The following MRPS27 variants were observed in gnomAD, a reference collection of about 807,000 sequenced individuals.
The protein encoded by MRPS27 is small ribosomal subunit protein mS27.
A neutral mutation model predicts 48.9 loss-of-function variants in MRPS27; 43 were observed. The ratio of observed to expected loss-of-function variants is 0.88; its 90% CI spans 0.69 to 1.13. MRPS27 has a LOEUF of 1.13. Among genes scored for constraint, MRPS27 ranks in the 50% most tolerant of loss-of-function variants. The pLI is 0.00. For missense variants in MRPS27, 467 were observed against 476.3 expected (o/e 0.98, Z 0.18); for synonymous variants, 188 against 171.9 (o/e 1.09, Z -0.73).
intron 4 of MRPS27, among the ~76,000 whole-genome samples, chr5:72,275,298 A>C (rs1177989302): frequency 6.6e-6 from 1 of 152,184 alleles, no homozygotes; most frequent in Non-Finnish European, 1.5e-5. Context: ...AAAGAGAATA[A>C]AATACCTAGG....
At position 72,306,322 on chromosome 5, in the gene MRPS27, G is replaced by A. The variant is rs559547459; in HGVS notation, c.151+7759C>T. On this transcript the variant is annotated intron_variant, in intron 2 of 10. Transcript: ENST00000261413. ...AAGATCATGAATGGCCTTTAACTTC[G>A]CAGAGGGGCAATCAAATGCTGTGTG... Among the ~76,000 whole-genome samples the A allele has an allele frequency of 3.3e-5, 5 of 152,246 alleles. No homozygotes were observed. In the South Asian group the frequency reaches 8.3e-4, roughly 25 times the overall value.
At chr5:72,292,378 C>A (rs190664242) in intron 4 of MRPS27, among the ~76,000 whole-genome samples, 180 of 152,214 alleles carry the variant, frequency 1.2e-3, no homozygotes, top group African/African-American at 4.1e-3. Flanking sequence ...AGAGAATAGA[C>A]CACGGCCCAA....
At chr5:72,234,223 A>G (rs1228006500) in intron 5 of MRPS27, 26 bp from the exon 6 acceptor site, 1 of 1,422,740 alleles carries the variant, frequency 7.0e-7, no homozygotes, top group Admixed American at 2.9e-5. Flanking sequence ...ACATAACAGG[A>G]AAAAAAGAGA....
intron 4 of MRPS27, among the ~76,000 whole-genome samples, chr5:72,283,317 A>G (rs1461356059): frequency 6.6e-6 from 1 of 152,152 alleles, no homozygotes; most frequent in African/African-American, 2.4e-5. Context: ...AATTAATTCT[A>G]TGTCACACTG....
chr5:72,295,248 A>C (rs1749944932), intron 4 of MRPS27: 1 of 234,078 alleles, frequency 4.3e-6, no homozygotes, highest in Non-Finnish European at 8.2e-6. Flanking sequence ...AATTAGGTGA[A>C]AAATTACATA....
intron 4 of MRPS27, among the ~76,000 whole-genome samples, chr5:72,250,577 A>G (rs548459159): frequency 6.6e-6 from 1 of 152,262 alleles, no homozygotes; most frequent in South Asian, 2.1e-4. Context: ...TTTGATTAGA[A>G]CCCAGCCCCG....
chr5:72,236,895 G>A (rs1380058290), intron 5 of MRPS27, among the ~76,000 whole-genome samples: 1 of 148,140 alleles, frequency 6.8e-6, no homozygotes, highest in Non-Finnish European at 1.5e-5. Flanking sequence ...TCTCCAAGTT[G>A]TTTTTACTGT....
intron 4 of MRPS27, among the ~76,000 whole-genome samples, chr5:72,255,188 T>A (rs577406998): frequency 3.9e-4 from 59 of 151,608 alleles, no homozygotes; most frequent in African/African-American, 1.4e-3. Context: ...GTAACTGGGA[T>A]TACGGGCATG....
At chr5:72,274,419 G>A (rs73127269) in intron 4 of MRPS27, among the ~76,000 whole-genome samples, 2,343 of 152,114 alleles carry the variant, frequency 0.015, 69 homozygotes, top group African/African-American at 0.052. Flanking sequence ...GCCTGCACAG[G>A]GTCAGGATCA....
intron 4 of MRPS27, among the ~76,000 whole-genome samples, chr5:72,273,929 G>C (rs1021106136): frequency 3.3e-5 from 5 of 152,150 alleles, no homozygotes; most frequent in African/African-American, 1.2e-4. Context: ...CTTTTCTGTA[G>C]TAACACTTAG....
chr5:72,274,734 C>A (rs1749329656), intron 4 of MRPS27, among the ~76,000 whole-genome samples: 2 of 152,172 alleles, frequency 1.3e-5, no homozygotes, highest in African/African-American at 4.8e-5. Context: ...GGACTCTTTA[C>A]ATGAGCATCA....
chr5:72,235,807 G>C (rs1331613580), intron 5 of MRPS27, among the ~76,000 whole-genome samples: 1 of 152,136 alleles, frequency 6.6e-6, no homozygotes, highest in East Asian at 1.9e-4. Flanking sequence ...GCCCAGAGAA[G>C]GCATCAGCAG....
intron 4 of MRPS27, among the ~76,000 whole-genome samples, chr5:72,284,163 A>C (rs113415982): frequency 0.015 from 2,325 of 151,948 alleles, 69 homozygotes; most frequent in African/African-American, 0.051. Context: ...CTATAATCCC[A>C]GCACTTTGGG....
At chr5:72,294,552 C>T (rs1749926483) in intron 4 of MRPS27, 1 of 152,114 alleles carries the variant, frequency 6.6e-6, no homozygotes, top group Non-Finnish European at 1.5e-5. Context: ...CTGACAGATA[C>T]TTGTTTGACC....
chr5:72,221,298 G>A, intron 10 of MRPS27, 150 bp from the exon 11 acceptor site: 1 of 960,642 alleles, frequency 1.0e-6, no homozygotes, highest in East Asian at 2.5e-5. Flanking sequence ...GGCCCAGAAT[G>A]AAGTCACCTG....
rs183328354 is a variant in MRPS27 at position 72,254,220 on chromosome 5, C to T, written c.282-16092G>A. On this transcript the variant is annotated intron_variant, in intron 4 of 10. Coordinates refer to ENST00000261413, the MANE Select transcript of MRPS27 (RefSeq NM_015084.3). The stretch of plus-strand genomic sequence containing the variant: ...CTCCCACAAGATTATAAAACCAGCA[C>T]GAAGGAATACCTAACCTAAGTTGAA... Among the ~76,000 whole-genome samples, 199 of 152,316 alleles carry T rather than the reference C, an allele frequency of 1.3e-3. 1 individual carries two copies. The highest frequency in any genetic ancestry group is 4.1e-3 in the African/African-American group (172 of 41,568).
intron 4 of MRPS27, among the ~76,000 whole-genome samples, chr5:72,255,039 T>C (rs929294127): frequency 3.7e-4 from 50 of 134,232 alleles, no homozygotes; most frequent in Non-Finnish European, 5.9e-4. Context: ...CTTTTTTTTT[T>C]TTTTTTTTTT....
chr5:72,244,707 G>A (rs998674631), intron 4 of MRPS27, among the ~76,000 whole-genome samples: 5 of 151,630 alleles, frequency 3.3e-5, no homozygotes, highest in Admixed American at 6.6e-5. Context: ...AAGTAGAGAC[G>A]GAAGTGTTGC....
At chr5:72,264,645 T>C (rs1290449438) in intron 4 of MRPS27, among the ~76,000 whole-genome samples, 5 of 151,690 alleles carry the variant, frequency 3.3e-5, no homozygotes, top group African/African-American at 1.2e-4. Context: ...AGAGGGAGAG[T>C]GCCATGTGAT....
Sources: allele counts gnomAD v4.1 joint callset (sites outside exome capture counted in the v4.1 genomes callset), GRCh38; gene constraint gnomAD v4.1.1; transcripts MANE v1.5; gene names NCBI Gene and HGNC (gene_info 2026-07-23, HGNC 2026-07-21).